The following LRRC4C variants were observed in gnomAD, a reference collection of about 807,000 sequenced individuals.
The protein encoded by LRRC4C is leucine-rich repeat-containing protein 4C.
A neutral mutation model predicts 33.6 loss-of-function variants in LRRC4C; 5 were observed. That is an observed-to-expected ratio of 0.15 (90% CI 0.08 to 0.31). The LOEUF (loss-of-function observed/expected upper bound fraction) is 0.31, where lower values mean the gene tolerates loss of function less well. Among genes scored for constraint, LRRC4C ranks in the 10% least tolerant of loss-of-function variants. The pLI is 1.00. For missense variants in LRRC4C, 560 were observed against 796.7 expected, an observed-to-expected ratio of 0.70 and a Z score of 3.58; for synonymous variants, 329 against 302.0, an observed-to-expected ratio of 1.09 and a Z score of -0.93.
In LRRC4C at chr11:40,747,416, T is replaced by C. The variant is rs1222543466; in HGVS notation, c.-406-99138A>G. 2.6e-5 allele frequency among the ~76,000 whole-genome samples: 4 copies of C among 151,870 alleles called. No individual in the cohort carries two copies. The East Asian group carries it at 7.7e-4, about 29-fold the overall frequency. On this transcript the variant is annotated intron_variant, in intron 2 of 6. Transcript: ENST00000528697. Reference sequence around the variant, plus strand: ...ATCTCTAGTAAAAAGCTCTCCCCTATGAAAAAATAATTTAAAAGATAGAAA... The same window carrying C: ...ATCTCTAGTAAAAAGCTCTCCCCTACGAAAAAATAATTTAAAAGATAGAAA...
rs139351649 is a variant in LRRC4C at position 40,351,059 on chromosome 11, A to G, written c.-269-31338T>C. ...AGATACTTTTACTTCTTTCATTCTAATTTAAGTGCCCTTTCTTTCTCTTGT... is the reference window on the plus strand; with the variant it reads ...AGATACTTTTACTTCTTTCATTCTAGTTTAAGTGCCCTTTCTTTCTCTTGT... On this transcript the variant is annotated intron_variant, in intron 3 of 6. Transcript: ENST00000528697. 4.6e-4 allele frequency among the ~76,000 whole-genome samples: 70 copies of G among 152,078 alleles called. 2 individuals are homozygous for G. Among genetic ancestry groups the G allele is most frequent in the African/African-American group, 1.6e-3 (66 of 41,538 alleles).
intron 1 of LRRC4C, among the ~76,000 whole-genome samples, chr11:41,170,703 T>G (rs1944936714): frequency 6.6e-6 from 1 of 152,146 alleles, no homozygotes; most frequent in Admixed American, 6.6e-5. Flanking sequence ...GGGCAAGGAC[T>G]TCACATCTAA....
intron 5 of LRRC4C, among the ~76,000 whole-genome samples, chr11:40,146,353 A>T (rs939086764): frequency 2.0e-5 from 3 of 152,184 alleles, no homozygotes; most frequent in Non-Finnish European, 2.9e-5. Context: ...TTCAAAATAT[A>T]CACCTAACAA....
intron 3 of LRRC4C, among the ~76,000 whole-genome samples, chr11:40,335,419 C>T (rs898352170): frequency 6.6e-6 from 1 of 152,152 alleles, no homozygotes; most frequent in African/African-American, 2.4e-5. Flanking sequence ...TATCAAAGGG[C>T]TTTTCTAACA....
At chr11:40,383,978 T>C (rs1377869818) in intron 3 of LRRC4C, among the ~76,000 whole-genome samples, 1 of 148,606 alleles carries the variant, frequency 6.7e-6, no homozygotes, top group Non-Finnish European at 1.5e-5. Context: ...TATGTGTCTA[T>C]TATATATTTT....
At chr11:40,702,048 A>G (rs1358845979) in intron 2 of LRRC4C, among the ~76,000 whole-genome samples, 1 of 152,100 alleles carries the variant, frequency 6.6e-6, no homozygotes, top group African/African-American at 2.4e-5. Flanking sequence ...ATAGTCATAC[A>G]TAAAATTATT....
chr11:40,115,837 C>A lies in LRRC4C; in HGVS notation c.456G>T (p.Glu152Asp). Residue 152 changes from glutamate to aspartate, a missense_variant, in exon 7 of 7, where the codon GAG becomes GAT. Glu to Asp is a conservative substitution (Grantham distance 45, BLOSUM62 2). Around this residue, in one of 3 missense-constraint regions of LRRC4C, gnomAD observed 455 missense variants for 643.8 expected, o/e 0.71. Coordinates refer to ENST00000528697, the MANE Select transcript of LRRC4C (RefSeq NM_001258419.2). The surrounding 1 kb of genome is among the most constrained non-coding windows in gnomAD (Gnocchi z 6.7). ...CAATGGGGTTGTTTCGCAACCAGAG[C>A]TCCTTCAGTTTAGACAAGTATACAA... The part of the protein sequence containing the change: ...GAFVYLSKLK[E>D]LWLRNNPIES... 1.2e-6 allele frequency: 2 copies of A among 1,614,132 alleles called. No homozygotes were observed. The highest frequency in any genetic ancestry group is 1.7e-6 in the Non-Finnish European group (2 of 1,180,036).
intron 2 of LRRC4C, among the ~76,000 whole-genome samples, chr11:40,899,679 C>T (rs1279112295): frequency 6.6e-6 from 1 of 152,106 alleles, no homozygotes; most frequent in Non-Finnish European, 1.5e-5. Context: ...ATGGTGATTG[C>T]ACACATAGCA....
intron 4 of LRRC4C, among the ~76,000 whole-genome samples, chr11:40,262,232 TTCA>T: frequency 6.6e-6 from 1 of 151,704 alleles, no homozygotes; most frequent in South Asian, 2.1e-4. Context: ...GAAAAAAAAG[TTCA>T]TCATCACGGG....
intron 2 of LRRC4C, among the ~76,000 whole-genome samples, chr11:40,722,306 G>A (rs865977950): frequency 6.6e-6 from 1 of 152,182 alleles, no homozygotes; most frequent in African/African-American, 2.4e-5. Context: ...TCCCTAGAGA[G>A]AGCACGGCTG....
At chr11:40,393,601 T>A (rs1176264377) in intron 3 of LRRC4C, among the ~76,000 whole-genome samples, 1 of 152,138 alleles carries the variant, frequency 6.6e-6, no homozygotes, top group East Asian at 1.9e-4. Context: ...GGTACTTAAC[T>A]TCGGAATATG....
At chr11:41,138,201 C>T (rs1943349551) in intron 1 of LRRC4C, among the ~76,000 whole-genome samples, 1 of 152,224 alleles carries the variant, frequency 6.6e-6, no homozygotes, top group Admixed American at 6.5e-5. Flanking sequence ...ATCTCTTGAG[C>T]CTTATAACAA....
chr11:40,874,208 C>G (rs891785796), intron 2 of LRRC4C, among the ~76,000 whole-genome samples: 3 of 152,122 alleles, frequency 2.0e-5, no homozygotes, highest in Non-Finnish European at 2.9e-5. Context: ...TCTTTTCATG[C>G]CCCCACACTC....
chr11:41,351,769 C>T (rs761647608), intron 1 of LRRC4C, among the ~76,000 whole-genome samples: 2 of 152,022 alleles, frequency 1.3e-5, no homozygotes, highest in Middle Eastern at 3.2e-3. Flanking sequence ...GATTGTATAC[C>T]TATCCAAACT....
intron 1 of LRRC4C, among the ~76,000 whole-genome samples, chr11:41,062,534 A>G (rs999900186): frequency 6.6e-6 from 1 of 152,134 alleles, no homozygotes; most frequent in Non-Finnish European, 1.5e-5. Flanking sequence ...GTAAATATCT[A>G]TCTAATTAAA....
At chr11:40,730,587 C>A (rs751334967) in intron 2 of LRRC4C, among the ~76,000 whole-genome samples, 3 of 152,098 alleles carry the variant, frequency 2.0e-5, no homozygotes, top group South Asian at 2.1e-4. Flanking sequence ...TAAAATAGTG[C>A]AAGAACCCAG....
intron 1 of LRRC4C, among the ~76,000 whole-genome samples, chr11:40,943,167 G>A (rs1210901428): frequency 1.3e-5 from 2 of 152,134 alleles, no homozygotes; most frequent in East Asian, 1.9e-4. Context: ...TAACTTACTC[G>A]TGGTGCAGAA....
At chr11:40,940,844 T>C (rs1002043987) in intron 1 of LRRC4C, among the ~76,000 whole-genome samples, 2 of 152,072 alleles carry the variant, frequency 1.3e-5, no homozygotes, top group South Asian at 2.1e-4. Context: ...CCTCATTATT[T>C]TACTTACTTA....
chr11:40,283,905 G>A (rs1045898139), intron 4 of LRRC4C, among the ~76,000 whole-genome samples: 1 of 151,762 alleles, frequency 6.6e-6, no homozygotes, highest in Non-Finnish European at 1.5e-5. Context: ...ATTTCTCCAT[G>A]TTGGTCAGGC....
Sources: gnomAD v4.1 joint callset for allele counts (sites outside exome capture counted in the v4.1 genomes callset) on GRCh38, gnomAD v4.1.1 for gene constraint, gnomAD v4.1.1 regional missense constraint, Gnocchi (gnomAD v3.1) non-coding constraint, MANE v1.5 for transcripts, NCBI Gene and HGNC (gene_info 2026-07-23, HGNC 2026-07-21) for gene names.